DSCAM: variants seen among roughly 807,000 people sequenced by gnomAD.
The protein encoded by DSCAM is cell adhesion molecule DSCAM.
In DSCAM, 47 loss-of-function variants were observed where a neutral mutation model predicts 217.7. The ratio of observed to expected loss-of-function variants is 0.22; its 90% CI spans 0.17 to 0.28. The LOEUF is 0.28. Among genes scored for constraint, DSCAM ranks in the 10% least tolerant of loss-of-function variants. DSCAM has a pLI of 1.00. For missense variants in DSCAM, 2,080 were observed against 2,618.3 expected (o/e 0.79, Z 4.49); for synonymous variants, 1,056 against 1,015.3 (o/e 1.04, Z -0.76).
chr21:40,639,498 T>C (rs2089850821), intron 3 of DSCAM, among the ~76,000 whole-genome samples: 1 of 152,222 alleles, frequency 6.6e-6, no homozygotes, highest in Non-Finnish European at 1.5e-5. Context: ...TTAATTGATG[T>C]GGGCTAGAAA....
chr21:40,046,268 G>A (rs974706899), intron 30 of DSCAM, among the ~76,000 whole-genome samples: 3 of 152,156 alleles, frequency 2.0e-5, no homozygotes, highest in African/African-American at 4.8e-5. Context: ...ATTCTGTGTC[G>A]CTGGAGAGGT....
At chr21:40,734,511 A>G (rs1054650159) in intron 1 of DSCAM, among the ~76,000 whole-genome samples, 1 of 152,244 alleles carries the variant, frequency 6.6e-6, no homozygotes, top group African/African-American at 2.4e-5. Flanking sequence ...CAAGCCATGC[A>G]TACACAAAGG....
chr21:40,373,542 G>A (rs1180030469), intron 3 of DSCAM, among the ~76,000 whole-genome samples: 1 of 152,134 alleles, frequency 6.6e-6, no homozygotes, highest in Non-Finnish European at 1.5e-5. Context: ...GGATGAAGGG[G>A]CTACTGATAC....
intron 1 of DSCAM, among the ~76,000 whole-genome samples, chr21:40,770,354 T>G (rs944684513): frequency 6.6e-6 from 1 of 152,200 alleles, no homozygotes; most frequent in Non-Finnish European, 1.5e-5. Flanking sequence ...AGCATCAAAG[T>G]ATTAAAGTAG....
At chr21:40,376,636 TTATA>T (rs368654910) in intron 3 of DSCAM, among the ~76,000 whole-genome samples, 916 of 58,058 alleles carry the variant, frequency 0.016, 4 homozygotes, top group South Asian at 0.031. Flanking sequence ...TCTATATATC[TTATA>T]TAGATATCGA....
At chr21:40,737,897 C>T (rs1050889010) in intron 1 of DSCAM, among the ~76,000 whole-genome samples, 7 of 152,176 alleles carry the variant, frequency 4.6e-5, no homozygotes, top group African/African-American at 1.7e-4. Context: ...CATGCAGAAA[C>T]CACCTTCTTT....
In DSCAM at chr21:40,237,154, A is replaced by G. The variant is rs1163574919; in HGVS notation, c.2356+38943T>C. The stretch of plus-strand genomic sequence containing the variant: ...CATTTATTCTCTTACAGTTTTGGAG[A>G]TGAGAAGTCTGAACTCAAGGGTGTC... On this transcript the variant is annotated intron_variant, in intron 11 of 32. Transcript: ENST00000400454. 2.6e-5 allele frequency among the ~76,000 whole-genome samples: 4 copies of G among 152,182 alleles called. No individual in the cohort carries two copies. The East Asian group carries it at 7.7e-4, about 29-fold the overall frequency.
intron 3 of DSCAM, among the ~76,000 whole-genome samples, chr21:40,428,179 T>C (rs2837623): frequency 0.67 from 101,680 of 151,394 alleles, 34,244 homozygotes; most frequent in Middle Eastern, 0.76. Context: ...TACTTACTCT[T>C]CATTCTCCCA....
intron 24 of DSCAM, 149 bp from the exon 25 acceptor site, chr21:40,080,489 G>T: frequency 1.4e-6 from 1 of 710,180 alleles, no homozygotes. Context: ...TCTGATTCCA[G>T]GAAATGTAAC....
intron 11 of DSCAM, among the ~76,000 whole-genome samples, chr21:40,232,745 C>A (rs2091393085): frequency 6.6e-6 from 1 of 151,928 alleles, no homozygotes. Flanking sequence ...ATTTGTAATT[C>A]TAATTTAAAT....
intron 1 of DSCAM, among the ~76,000 whole-genome samples, chr21:40,738,230 G>T (rs976067201): frequency 3.3e-5 from 5 of 152,152 alleles, no homozygotes; most frequent in Non-Finnish European, 5.9e-5. Context: ...ATTTTACCAA[G>T]AAACTAAATT....
intron 11 of DSCAM, among the ~76,000 whole-genome samples, chr21:40,254,861 A>G (rs1190916620): frequency 6.6e-6 from 1 of 151,984 alleles, no homozygotes; most frequent in Non-Finnish European, 1.5e-5. Flanking sequence ...CAGCGTCCTC[A>G]GAGTGGCTTT....
chr21:40,623,506 T>C (rs1286350416), intron 3 of DSCAM, among the ~76,000 whole-genome samples: 3 of 152,256 alleles, frequency 2.0e-5, no homozygotes, highest in Non-Finnish European at 4.4e-5. Context: ...GCTACTGATC[T>C]AACACTCATT....
At chr21:40,241,857 G>A (rs891456462) in intron 11 of DSCAM, among the ~76,000 whole-genome samples, 4 of 152,170 alleles carry the variant, frequency 2.6e-5, no homozygotes, top group Non-Finnish European at 4.4e-5. Context: ...GGACATCGAT[G>A]GAGTTGAAGG....
Position 40,348,816 on chromosome 21 carries a change from T to C in DSCAM, c.935-871A>G, listed in dbSNP as rs528887475. Among the ~76,000 whole-genome samples, 4 of 152,220 alleles carry C rather than the reference T, an allele frequency of 2.6e-5. 1 individual carries two copies. The South Asian group carries it at 8.3e-4, about 32-fold the overall frequency. On this transcript the variant is annotated intron_variant, in intron 5 of 32. Coordinates refer to ENST00000400454, the MANE Select transcript of DSCAM (RefSeq NM_001389.5). ...TGGTCAAACTGCCTTCTCAGGAGTC[T>C]CTGTGAGGATGTTGATATAAATCCA... is the stretch of plus-strand genomic sequence containing the variant.
chr21:40,465,678 TATC>T (rs1228340978), intron 3 of DSCAM, among the ~76,000 whole-genome samples: 1 of 152,206 alleles, frequency 6.6e-6, no homozygotes, highest in Non-Finnish European at 1.5e-5. Flanking sequence ...GTTCATCAGC[TATC>T]ATTAGGGTAT....
At chr21:40,295,344 C>T (rs968277507) in intron 10 of DSCAM, among the ~76,000 whole-genome samples, 1 of 152,156 alleles carries the variant, frequency 6.6e-6, no homozygotes, top group Non-Finnish European at 1.5e-5. Context: ...AGAAGCCACC[C>T]TAATGAACAG....
chr21:40,422,188 G>A (rs1157080235), intron 3 of DSCAM, among the ~76,000 whole-genome samples: 1 of 152,160 alleles, frequency 6.6e-6, no homozygotes, highest in Non-Finnish European at 1.5e-5. Flanking sequence ...TGCATTCCAG[G>A]CAGTCACTAC....
intron 1 of DSCAM, among the ~76,000 whole-genome samples, chr21:40,751,034 ACATCCTCTCTGTCCCTAT>A (rs1172880703): frequency 1.3e-5 from 2 of 152,018 alleles, no homozygotes; most frequent in Non-Finnish European, 2.9e-5. Context: ...AAAACCTCCA[ACATCCTCTCTGTCCCTAT>A]CTCCCCTTCC....
Sources: allele counts gnomAD v4.1 joint callset (sites outside exome capture counted in the v4.1 genomes callset), GRCh38; gene constraint gnomAD v4.1.1; transcripts MANE v1.5; gene names NCBI Gene and HGNC (gene_info 2026-07-23, HGNC 2026-07-21).